The following FRMPD4 variants were observed in gnomAD, a reference collection of about 807,000 sequenced individuals.
FRMPD4 encodes FERM and PDZ domain-containing protein 4.
FRMPD4 carries 22 observed loss-of-function variants against 94.1 expected under a neutral mutation model. The ratio of observed to expected loss-of-function variants is 0.23; its 90% CI spans 0.17 to 0.33. The LOEUF is 0.33. Ranked by LOEUF, FRMPD4 falls within the 10% of genes least tolerant of loss-of-function variation. FRMPD4 has a pLI of 1.00. For missense variants in FRMPD4, 1,111 were observed against 1,339.9 expected, an observed-to-expected ratio of 0.83 and a Z score of 2.67; for synonymous variants, 631 against 548.6, an observed-to-expected ratio of 1.15 and a Z score of -2.10.
chrX:12,294,897 G>A (rs1480761661), intron 1 of FRMPD4, among the ~76,000 whole-genome samples: 1 of 111,869 alleles, frequency 8.9e-6, no homozygotes, highest in Non-Finnish European at 1.9e-5. Context: ...TGCCTCCCAA[G>A]GATGGAATCC....
At chrX:12,542,870 G>T (rs2058431841) in intron 2 of FRMPD4, among the ~76,000 whole-genome samples, 1 of 112,102 alleles carries the variant, frequency 8.9e-6, no homozygotes, top group Admixed American at 9.5e-5. Context: ...AAAACAGCAT[G>T]GTACTGGTAT....
intron 3 of FRMPD4, among the ~76,000 whole-genome samples, chrX:12,062,274 C>A (rs183155945): frequency 9.0e-6 from 1 of 111,571 alleles, no homozygotes; most frequent in Admixed American, 9.5e-5. Context: ...AAATCCATTT[C>A]GCTGTTTTGT....
intron 1 of FRMPD4, among the ~76,000 whole-genome samples, chrX:12,203,304 G>A (rs150750572): frequency 8.9e-6 from 1 of 112,010 alleles, no homozygotes; most frequent in African/African-American, 3.2e-5. Flanking sequence ...ACTTTTGTTG[G>A]TATCAAGAAC....
At chrX:12,088,528 C>T (rs2055129128) in intron 3 of FRMPD4, among the ~76,000 whole-genome samples, 1 of 111,698 alleles carries the variant, frequency 9.0e-6, no homozygotes, top group South Asian at 3.8e-4. Flanking sequence ...AAAATGAAGT[C>T]CTTTGCAGTT....
chrX:11,842,003 G>A lies in FRMPD4; in HGVS notation c.-161+19288G>A, dbSNP rs1201455851. ...TTCCCAGCACCATTTATTAAATAGG[G>A]AATCCTTTCCCCATTGCTTGTTTTT... On this transcript the variant is annotated intron_variant, in intron 1 of 18. Transcript: ENST00000640291. 4.5e-5 allele frequency among the ~76,000 whole-genome samples: 5 copies of A among 110,838 alleles called. No homozygotes were observed. The East Asian group carries it at 1.4e-3, about 31-fold the overall frequency.
intron 1 of FRMPD4, among the ~76,000 whole-genome samples, chrX:12,388,089 G>A (rs781222390): frequency 2.7e-5 from 3 of 111,036 alleles, no homozygotes; most frequent in South Asian, 7.7e-4. Flanking sequence ...GAAAACTTCC[G>A]GGGAGAACTG....
chrX:12,235,454 C>T (rs758226246), intron 1 of FRMPD4, among the ~76,000 whole-genome samples: 78 of 111,856 alleles, frequency 7.0e-4, no homozygotes, highest in African/African-American at 2.3e-3. Flanking sequence ...TTTATTCATT[C>T]GTATAATACA....
chrX:12,590,936 G>A (rs912227427), intron 2 of FRMPD4, among the ~76,000 whole-genome samples: 1 of 111,964 alleles, frequency 8.9e-6, no homozygotes, highest in Non-Finnish European at 1.9e-5. Flanking sequence ...AAATGAAGAA[G>A]GAAGTTTAAG....
At chrX:12,450,285 AAGAC>A (rs1287349475) in intron 1 of FRMPD4, among the ~76,000 whole-genome samples, 2 of 111,663 alleles carry the variant, frequency 1.8e-5, no homozygotes, top group African/African-American at 6.5e-5. Flanking sequence ...GTGGTGTTAA[AAGAC>A]AGAAGTTTAT....
chrX:11,927,565 A>G (rs1158334734), intron 3 of FRMPD4, among the ~76,000 whole-genome samples: 3 of 111,822 alleles, frequency 2.7e-5, no homozygotes, highest in African/African-American at 9.8e-5. Context: ...AGACCAATGG[A>G]ACATAATAGA....
chrX:12,400,587 G>C (rs896224687), intron 1 of FRMPD4, among the ~76,000 whole-genome samples: 1 of 111,972 alleles, frequency 8.9e-6, no homozygotes, highest in Non-Finnish European at 1.9e-5. Context: ...CCCTACTCTT[G>C]AGATTTTTTA....
intron 3 of FRMPD4, among the ~76,000 whole-genome samples, chrX:12,127,363 CCTT>C (rs2055509162): frequency 9.0e-6 from 1 of 111,648 alleles, no homozygotes; most frequent in Non-Finnish European, 1.9e-5. Context: ...GCAAACACAT[CCTT>C]CTTCACAAGG....
intron 3 of FRMPD4, among the ~76,000 whole-genome samples, chrX:11,923,401 C>G (rs778540432): frequency 8.9e-6 from 1 of 112,039 alleles, no homozygotes; most frequent in African/African-American, 3.2e-5. Flanking sequence ...GCACCCCACC[C>G]CAAGCCAACA....
intron 3 of FRMPD4, among the ~76,000 whole-genome samples, chrX:11,981,076 A>G (rs1484572472): frequency 8.9e-6 from 1 of 111,866 alleles, no homozygotes; most frequent in Non-Finnish European, 1.9e-5. Flanking sequence ...TGGCCTACAA[A>G]GCCTAAAACA....
intron 4 of FRMPD4, among the ~76,000 whole-genome samples, chrX:12,672,894 A>T (rs1467002327): frequency 8.9e-6 from 1 of 112,051 alleles, no homozygotes; most frequent in Non-Finnish European, 1.9e-5. Context: ...TCCTGCTGAG[A>T]TCATTTATGT....
At chrX:12,497,875 T>C (rs929108821) in intron 1 of FRMPD4, among the ~76,000 whole-genome samples, 1 of 110,808 alleles carries the variant, frequency 9.0e-6, no homozygotes, top group African/African-American at 3.3e-5. Flanking sequence ...GCTTTGGATG[T>C]TTGCTGCGGA....
intron 2 of FRMPD4, among the ~76,000 whole-genome samples, chrX:11,871,530 C>G (rs2053756682): frequency 8.9e-6 from 1 of 112,508 alleles, no homozygotes; most frequent in Admixed American, 9.4e-5. Context: ...ATATCCTATT[C>G]CAAATATTCG....
chrX:12,498,561 C>T (rs911605249), intron 1 of FRMPD4, 119 bp from the exon 2 acceptor site: 10 of 549,716 alleles, frequency 1.8e-5, no homozygotes, highest in African/African-American at 1.6e-4. Context: ...TTTGTTGCAA[C>T]GTTAATTGGG....
At chrX:12,163,893 C>A (rs1292085936) in intron 1 of FRMPD4, among the ~76,000 whole-genome samples, 2 of 111,812 alleles carry the variant, frequency 1.8e-5, no homozygotes, top group African/African-American at 6.5e-5. Context: ...CAACGTTTGG[C>A]TGATAAGAAC....
Sources: allele counts gnomAD v4.1 joint callset (sites outside exome capture counted in the v4.1 genomes callset), GRCh38; gene constraint gnomAD v4.1.1; transcripts MANE v1.5; gene names NCBI Gene and HGNC (gene_info 2026-07-23, HGNC 2026-07-21).